The following CSNK2A3 variants were observed in gnomAD, a reference collection of about 807,000 sequenced individuals.
The protein encoded by CSNK2A3 is casein kinase II subunit alpha 3.
A neutral mutation model predicts 36.5 loss-of-function variants in CSNK2A3; 31 were observed. The ratio of observed to expected loss-of-function variants is 0.85; its 90% confidence interval spans 0.64 to 1.15. The LOEUF (loss-of-function observed/expected upper bound fraction) is 1.15, where lower values mean the gene tolerates loss of function less well. Among genes scored for constraint, CSNK2A3 ranks in the 50% most tolerant of loss-of-function variants. The pLI is 0.00. For missense variants in CSNK2A3, 443 were observed against 487.2 expected (o/e 0.91, Z 0.85); for synonymous variants, 152 against 176.3 (o/e 0.86, Z 1.09).
rs747454833 is a variant in CSNK2A3, at chr11:11,353,006, G to A, written c.114C>T (p.Asp38=). ...SHVVEWGNQD[D]YQLVRKLGRG... ...GGCCTAATTTTCGAACCAGCTGGTA[G>A]TCATCTTGATTTCCCCATTCCACCA... The change falls in exon 1 of 1, where the codon GAC becomes GAT. Residue 38 remains aspartate (D), a synonymous_variant. Coordinates refer to ENST00000528848, the MANE Select transcript of CSNK2A3 (RefSeq NM_001256686.2). 5 of 1,614,064 alleles carry A rather than the reference G, an allele frequency of 3.1e-6. No homozygotes were observed. Among genetic ancestry groups the A allele is most frequent in the Non-Finnish European group, 4.2e-6 (5 of 1,180,042 alleles).
At position 11,352,829 on chromosome 11, in the gene CSNK2A3, C is replaced by T. The variant is rs1850444558; in HGVS notation, c.291G>A (p.Leu97=). The change falls in exon 1 of 1, where the codon CTG becomes CTA. Residue 97 remains leucine (L), a synonymous_variant. Coordinates refer to ENST00000528848, the MANE Select transcript of CSNK2A3 (RefSeq NM_001256686.2). Reference sequence around the variant, plus strand: ...ACACAGGGTCTTTTACAATGTCTGCCAGTGTGATGATGTTGGGACCTCCTC... The same window carrying T: ...ACACAGGGTCTTTTACAATGTCTGCTAGTGTGATGATGTTGGGACCTCCTC... The part of the protein sequence containing the change: ...NLRGGPNIIT[L]ADIVKDPVSR... The T allele has an allele frequency of 4.3e-6, 7 of 1,614,186 alleles. No homozygotes were observed. The highest frequency in any genetic ancestry group is 5.9e-6 in the Non-Finnish European group (7 of 1,180,038).
In CSNK2A3 at chr11:11,353,096, C is replaced by A; in HGVS notation, c.24G>T (p.Arg8Ser). Residue 8 changes from arginine to serine, a missense_variant, in exon 1 of 1, where the codon AGG becomes AGT. Transcript: ENST00000528848. Reference protein sequence around the residue: MSGPVPSRARVYTDVNTH... With the variant: MSGPVPSSARVYTDVNTH... ...TATTAACATCTGTGTAAACTCTGGC[C>A]CTGCTTGGCACGGGTCCCGACATGT... 6.2e-7 allele frequency: 1 copy of A among 1,614,116 alleles called. No homozygotes were observed.
In CSNK2A3 at chr11:11,351,977, C is replaced by G; in HGVS notation, c.1143G>C (p.Met381Ile). ...PVIAAANPLG[M>I]PVPAATGAQQ ...GAGCGCCAGTGGCAGCTGGAACAGGCATCCCAAGGGGGTTGGCAGCAGCAA... is the reference window on the plus strand; with the variant it reads ...GAGCGCCAGTGGCAGCTGGAACAGGGATCCCAAGGGGGTTGGCAGCAGCAA... The change falls in exon 1 of 1, where the codon ATG becomes ATC. Residue 381 changes from methionine to isoleucine, a missense_variant. By Grantham distance (10) the Met-to-Ile change is conservative. Coordinates refer to ENST00000528848, the MANE Select transcript of CSNK2A3 (RefSeq NM_001256686.2). 6.2e-7 allele frequency: 1 copy of G among 1,609,028 alleles called. No homozygotes were observed. Among genetic ancestry groups the G allele is most frequent in the Admixed American group, 1.7e-5 (1 of 59,270 alleles).
rs773198237 is a variant in CSNK2A3 at position 11,352,404 on chromosome 11, T to C, written c.716A>G (p.Tyr239Cys). 27 of 1,614,022 alleles carry C rather than the reference T, an allele frequency of 1.7e-5. No homozygotes were observed. The East Asian group carries it at 3.8e-4, about 23-fold the overall frequency. ...KEPFFHGRDN[Y>C]DQLVRIAKFL... ...CTTGGCTATCCTCACCAACTGATCATAATTGTCACGTCCATGGAAAAATGG... is the reference window on the plus strand; with the variant it reads ...CTTGGCTATCCTCACCAACTGATCACAATTGTCACGTCCATGGAAAAATGG... The change falls in exon 1 of 1, where the codon TAT (tyrosine) becomes TGT (cysteine). Residue 239 changes from tyrosine (Y) to cysteine (C), a missense_variant. Coordinates refer to ENST00000528848, the MANE Select transcript of CSNK2A3 (RefSeq NM_001256686.2).
chr11:11,352,764 G>A lies in CSNK2A3; in HGVS notation c.356C>T (p.Thr119Ile). ...CGTCTGGTACAATTGCTTGAAGTCT[G>A]TGTTGTTTACGTGTTCAAAAACCAA... ...PALVFEHVNN[T>I]DFKQLYQTLT... Residue 119 changes from threonine (T) to isoleucine (I), a missense_variant, in exon 1 of 1, where the codon ACA (threonine) becomes ATA (isoleucine). Coordinates refer to ENST00000528848, the MANE Select transcript of CSNK2A3 (RefSeq NM_001256686.2). 6.2e-7 allele frequency: 1 copy of A among 1,614,182 alleles called. No individual in the cohort carries two copies. Among genetic ancestry groups the A allele is most frequent in the Non-Finnish European group, 8.5e-7 (1 of 1,180,032 alleles).
rs777572260 is a variant in CSNK2A3 at position 11,352,099 on chromosome 11, C to T, written c.1021G>A (p.Gly341Arg). 56 of 1,613,524 alleles carry T rather than the reference C, an allele frequency of 3.5e-5. No individual in the cohort carries two copies. Among genetic ancestry groups the T allele is most frequent in the Non-Finnish European group, 4.3e-5 (51 of 1,179,966 alleles). ...QARMGSSSMP[G>R]GSTPVSSANV... ...GCGCTGCTGACGGGCGTACTGCCCC[C>T]TGGCATGCTAGATGAACCCATTCGA... Residue 341 changes from glycine (G) to arginine (R), a missense_variant, in exon 1 of 1, where the codon GGG (glycine) becomes AGG (arginine). By Grantham distance (125) the Gly-to-Arg change is moderately radical (BLOSUM62 -2). Transcript: ENST00000528848.
In CSNK2A3 at chr11:11,352,503, T is replaced by C; in HGVS notation, c.617A>G (p.Tyr206Cys). 3 of 1,614,166 alleles carry C rather than the reference T, an allele frequency of 1.9e-6. No homozygotes were observed. Among genetic ancestry groups the C allele is most frequent in the Non-Finnish European group, 1.7e-6 (2 of 1,180,030 alleles). ...YFKGPELLVD[Y>C]QMYDYSLDMW... ...ATCCAAACTATAATCGTACATCTGA[T>C]AGTCTACAAGTAGCTCAGGACCTTT... The change falls in exon 1 of 1, where the codon TAT (tyrosine) becomes TGT (cysteine). Residue 206 changes from tyrosine (Y) to cysteine (C), a missense_variant. Physicochemically the swap from Tyr to Cys is radical, Grantham distance 194. Transcript: ENST00000528848.
rs772004605 is a variant in CSNK2A3 at position 11,352,575 on chromosome 11, T to C, written c.545A>G (p.Tyr182Cys). ...GACATTATATTCTTGGCCAGGATGA[T>C]AAAACTCAGCCAAACCCCAGTCTAT... ...RLIDWGLAEF[Y>C]HPGQEYNVRV... The change falls in exon 1 of 1, where the codon TAT (tyrosine) becomes TGT (cysteine). Residue 182 changes from tyrosine to cysteine, a missense_variant. By Grantham distance (194) the Tyr-to-Cys change is radical. Coordinates refer to ENST00000528848, the MANE Select transcript of CSNK2A3 (RefSeq NM_001256686.2). The C allele has an allele frequency of 4.9e-5, 79 of 1,614,050 alleles. No homozygotes were observed. Among genetic ancestry groups the C allele is most frequent in the Admixed American group, 6.7e-5 (4 of 60,008 alleles).
rs765832767 is a variant in CSNK2A3 at position 11,352,953 on chromosome 11, G to A, written c.167C>T (p.Ala56Val). 42 of 1,614,018 alleles carry A rather than the reference G, an allele frequency of 2.6e-5. No individual in the cohort carries two copies. Among genetic ancestry groups the A allele is most frequent in the Non-Finnish European group, 3.6e-5 (42 of 1,180,006 alleles). The stretch of plus-strand genomic sequence containing the variant: ...TTTTTCATTATTTGTGATGTTGATG[G>A]CTTCAAATACTTCACTGTATTTACC... The part of the protein sequence containing the change: ...GRGKYSEVFE[A>V]INITNNEKVV... The change falls in exon 1 of 1, where the codon GCC becomes GTC. Residue 56 changes from alanine to valine, a missense_variant. Ala to Val is a moderately conservative substitution (Grantham distance 64). Transcript: ENST00000528848.
rs1337612442 is a variant in CSNK2A3, at chr11:11,352,402, C to T, written c.718G>A (p.Asp240Asn). The change falls in exon 1 of 1, where the codon GAT becomes AAT. Residue 240 changes from aspartate (D) to asparagine (N), a missense_variant. Coordinates refer to ENST00000528848, the MANE Select transcript of CSNK2A3 (RefSeq NM_001256686.2). ...AACTTGGCTATCCTCACCAACTGAT[C>T]ATAATTGTCACGTCCATGGAAAAAT... is the stretch of plus-strand genomic sequence containing the variant. ...EPFFHGRDNYDQLVRIAKFLG... is the reference protein window; with the variant it reads ...EPFFHGRDNYNQLVRIAKFLG... 3 of 1,614,100 alleles carry T rather than the reference C, an allele frequency of 1.9e-6. No homozygotes were observed. The highest frequency in any genetic ancestry group is 1.7e-6 in the Non-Finnish European group (2 of 1,179,998).
At position 11,352,907 on chromosome 11, in the gene CSNK2A3, C is replaced by G; in HGVS notation, c.213G>C (p.Lys71Asn). ...GCTTAATTTTCTTCTTTTTTACTGG[C>G]TTGAGAATTTTAACAACAACTTTTT... ...NNEKVVVKIL[K>N]PVKKKKIKRE... The change falls in exon 1 of 1, where the codon AAG becomes AAC. Residue 71 changes from lysine (K) to asparagine (N), a missense_variant. By Grantham distance (94) the Lys-to-Asn change is moderately conservative. Transcript: ENST00000528848. The G allele has an allele frequency of 6.2e-7, 1 of 1,614,100 alleles. No homozygotes were observed. The highest frequency in any genetic ancestry group is 8.5e-7 in the Non-Finnish European group (1 of 1,180,018).
Position 11,351,990 on chromosome 11 carries a change from T to C in CSNK2A3, c.1130A>G (p.Asn377Ser). The C allele has an allele frequency of 6.2e-7, 1 of 1,610,676 alleles. No individual in the cohort carries two copies. Among genetic ancestry groups the C allele is most frequent in the Non-Finnish European group, 8.5e-7 (1 of 1,178,718 alleles). ...AGCTGGAACAGGCATCCCAAGGGGG[T>C]TGGCAGCAGCAATCACTGGTGAGCC... is the stretch of plus-strand genomic sequence containing the variant. ...LAGSPVIAAA[N>S]PLGMPVPAAT... Residue 377 changes from asparagine to serine, a missense_variant, in exon 1 of 1, where the codon AAC becomes AGC. Transcript: ENST00000528848.
chr11:11,352,753 GC>G, the CSNK2A3 span: 1 of 1,614,128 alleles, frequency 6.2e-7, no homozygotes, highest in Non-Finnish European at 8.5e-7. Flanking sequence ...TGGTACAATT[GC>G]TTGAAGTCTG....
rs1350127067 is a variant in CSNK2A3, at chr11:11,352,952, G to A, written c.168C>T (p.Ala56=). Residue 56 remains alanine, a synonymous_variant, in exon 1 of 1, where the codon GCC becomes GCT. Transcript: ENST00000528848. ...GRGKYSEVFE[A]INITNNEKVV... is the part of the protein sequence containing the mutation. ...CTTTTTCATTATTTGTGATGTTGAT[G>A]GCTTCAAATACTTCACTGTATTTAC... is the stretch of plus-strand genomic sequence containing the variant. 1 of 1,613,888 alleles carries A rather than the reference G, an allele frequency of 6.2e-7. No homozygotes were observed. Among genetic ancestry groups the A allele is most frequent in the South Asian group, 1.1e-5 (1 of 91,064 alleles).
Position 11,352,177 on chromosome 11 carries a change from C to T in CSNK2A3, c.943G>A (p.Ala315Thr). 6.2e-7 allele frequency: 1 copy of T among 1,613,668 alleles called. No homozygotes were observed. The stretch of plus-strand genomic sequence containing the variant: ...TAGGGGTGCTCCATGGCCTCTCTTG[C>T]AGTAAGCCGTGACTGGTGGTCATAT... Reference protein sequence around the residue: ...LRYDHQSRLTAREAMEHPYFY... With the variant: ...LRYDHQSRLTTREAMEHPYFY... Residue 315 changes from alanine (A) to threonine (T), a missense_variant, in exon 1 of 1, where the codon GCA becomes ACA. Ala to Thr is a moderately conservative substitution (Grantham distance 58). Transcript: ENST00000528848.
rs1047562496 is a variant in CSNK2A3 at position 11,353,248 on chromosome 11, C to T, written c.-129G>A. 2.2e-5 allele frequency: 25 copies of T among 1,141,900 alleles called. No homozygotes were observed. The highest frequency in any genetic ancestry group is 1.7e-4 in the African/African-American group (11 of 64,758). The allele number at this position is 1,141,900 out of a possible 1,614,324, so 70.7% of individuals were successfully genotyped here. A position where few individuals can be genotyped will look rare whatever the true frequency, so the allele number is the denominator to read the frequency against. On this transcript the variant is annotated 5_prime_UTR_variant, in exon 1 of 1. Coordinates refer to ENST00000528848, the MANE Select transcript of CSNK2A3 (RefSeq NM_001256686.2). ...CTTCACACTGTGGTGGAAGCGGCAG[C>T]GGCTGTGGCCGCTCTCCCTTCTGCT...
rs1236077650 is a variant in CSNK2A3, at chr11:11,352,657, T to C, written c.463A>G (p.Arg155Gly). Residue 155 changes from arginine (R) to glycine (G), a missense_variant, in exon 1 of 1, where the codon AGA (arginine) becomes GGA (glycine). Arg to Gly is a moderately radical substitution (Grantham distance 125). Transcript: ENST00000528848. ...DYCHSMGIMH[R>G]DVKPHNVMID... ...ATGACATTATGGGGCTTGACATCTC[T>C]GTGCATAATTCCCATGCTGTGACAA... is the stretch of plus-strand genomic sequence containing the variant. The C allele has an allele frequency of 5.0e-6, 8 of 1,614,196 alleles. No homozygotes were observed. The highest frequency in any genetic ancestry group is 4.2e-6 in the Non-Finnish European group (5 of 1,180,026).
chr11:11,353,011 C>G lies in CSNK2A3; in HGVS notation c.109G>C (p.Asp37His), dbSNP rs1333358539. Reference protein sequence around the residue: ...ESHVVEWGNQDDYQLVRKLGR... With the variant: ...ESHVVEWGNQHDYQLVRKLGR... ...AATTTTCGAACCAGCTGGTAGTCAT[C>G]TTGATTTCCCCATTCCACCACATGT... The change falls in exon 1 of 1, where the codon GAT (aspartate) becomes CAT (histidine). Residue 37 changes from aspartate (D) to histidine (H), a missense_variant. Coordinates refer to ENST00000528848, the MANE Select transcript of CSNK2A3 (RefSeq NM_001256686.2). The G allele has an allele frequency of 6.2e-7, 1 of 1,614,196 alleles. No individual in the cohort carries two copies.
Position 11,353,025 on chromosome 11 carries a change from T to A in CSNK2A3, c.95A>T (p.Glu32Val). 8 of 1,614,230 alleles carry A rather than the reference T, an allele frequency of 5.0e-6. No homozygotes were observed. Among genetic ancestry groups the A allele is most frequent in the Non-Finnish European group, 6.8e-6 (8 of 1,180,034 alleles). The change falls in exon 1 of 1, where the codon GAA becomes GTA. Residue 32 changes from glutamate to valine, a missense_variant. Coordinates refer to ENST00000528848, the MANE Select transcript of CSNK2A3 (RefSeq NM_001256686.2). ...EYWDYESHVV[E>V]WGNQDDYQLV... ...CTGGTAGTCATCTTGATTTCCCCAT[T>A]CCACCACATGTGACTCGTAATCCCA...
Sources: allele counts gnomAD v4.1 joint callset, GRCh38; gene constraint gnomAD v4.1.1; transcripts MANE v1.5; gene names NCBI Gene and HGNC (gene_info 2026-07-23, HGNC 2026-07-21).